Variants in KHDRBS2 observed in about 807,000 individuals in gnomAD.
KHDRBS2 encodes the protein KH RNA binding domain containing, signal transduction associated 2.
KHDRBS2 carries 26 observed loss-of-function variants against 44.3 expected under a neutral mutation model. The observed-to-expected ratio is 0.59, with a 90% CI of 0.43 to 0.81. KHDRBS2 has a LOEUF of 0.81. Among genes scored for constraint, KHDRBS2 ranks in the 40% least tolerant of loss-of-function variants. The pLI is 0.00. For missense variants in KHDRBS2, 476 were observed against 433.1 expected (o/e 1.10, Z -0.88); for synonymous variants, 194 against 151.1 (o/e 1.28, Z -2.08).
chr6:62,029,529 C>T (rs761444063), intron 3 of KHDRBS2, among the ~76,000 whole-genome samples: 14 of 151,846 alleles, frequency 9.2e-5, no homozygotes, highest in African/African-American at 7.2e-5. Context: ...GCTAGGTTTA[C>T]GAATTCATTT....
In KHDRBS2 at chr6:61,966,105, CTG is replaced by C. The variant is rs1286557500; in HGVS notation, c.483+11959_483+11960del. Among the ~76,000 whole-genome samples, 3 of 149,104 alleles carry C rather than the reference CTG, an allele frequency of 2.0e-5. No individual in the cohort carries two copies. In the East Asian group the frequency reaches 5.8e-4, roughly 29 times the overall value. ...AATCTCTGGATGCAATACATTCTAA[CTG>C]TACTATAATTGACATAGAATTTGTT... is the stretch of plus-strand genomic sequence containing the variant. On this transcript the variant is annotated intron_variant, in intron 4 of 8. Coordinates refer to ENST00000281156, the MANE Select transcript of KHDRBS2 (RefSeq NM_152688.4).
the KHDRBS2 span, among the ~76,000 whole-genome samples, chr6:61,645,174 G>A: frequency 6.6e-6 from 1 of 152,128 alleles, no homozygotes; most frequent in South Asian, 2.1e-4. Flanking sequence ...AACATGGATG[G>A]AACTGGAGGC....
chr6:62,286,006 G>T lies in KHDRBS2; in HGVS notation c.-58C>A. On this transcript the variant is annotated 5_prime_UTR_variant, in exon 1 of 9. It adds an upstream start codon to the 5' untranslated region. Transcript: ENST00000281156. ...GCGAGGTTCCGCTCGCTCGGACGCAGGCAGGGTCTTGGGGCAGCGCCTGGC... is the reference window on the plus strand; with the variant it reads ...GCGAGGTTCCGCTCGCTCGGACGCATGCAGGGTCTTGGGGCAGCGCCTGGC... The T allele has an allele frequency of 9.1e-7, 1 of 1,104,206 alleles. No individual in the cohort carries two copies. The highest frequency in any genetic ancestry group is 1.5e-5 in the African/African-American group (1 of 65,128). 68.4% of individuals were successfully genotyped at this position (1,104,206 alleles called of 1,614,324 possible).
At chr6:62,147,422 G>A (rs1287344555) in intron 2 of KHDRBS2, among the ~76,000 whole-genome samples, 1 of 151,850 alleles carries the variant, frequency 6.6e-6, no homozygotes, top group African/African-American at 2.4e-5. Context: ...CAGAGAAAGA[G>A]AAAACATACC....
the KHDRBS2 span, among the ~76,000 whole-genome samples, chr6:61,631,617 G>T: frequency 6.6e-6 from 1 of 152,216 alleles, no homozygotes; most frequent in Non-Finnish European, 1.5e-5. Flanking sequence ...AGAAATAGGA[G>T]ATCATTTAAA....
chr6:62,085,863 C>T (rs1236785499), intron 2 of KHDRBS2, among the ~76,000 whole-genome samples: 1 of 152,054 alleles, frequency 6.6e-6, no homozygotes, highest in Admixed American at 6.6e-5. Context: ...AAATAATTTA[C>T]TTGAATAAAG....
At chr6:61,930,664 TCCAG>T (rs200565502) in intron 4 of KHDRBS2, among the ~76,000 whole-genome samples, 3 of 144,370 alleles carry the variant, frequency 2.1e-5, no homozygotes, top group East Asian at 4.2e-4. Context: ...GCCACTGCAC[TCCAG>T]CCTGGGCGAC....
At chr6:62,249,252 T>A (rs1836133352) in intron 1 of KHDRBS2, among the ~76,000 whole-genome samples, 1 of 152,108 alleles carries the variant, frequency 6.6e-6, no homozygotes, top group African/African-American at 2.4e-5. Context: ...GTATCTATAG[T>A]CACACTGATT....
chr6:61,897,254 T>A lies in KHDRBS2; in HGVS notation c.612-2421A>T, dbSNP rs187066925. Among the ~76,000 whole-genome samples the A allele has an allele frequency of 1.2e-4, 19 of 152,270 alleles. 1 individual carries two copies. In the East Asian group the frequency reaches 3.5e-3, roughly 28 times the overall value. ...TCTGGAGACAGGGAGCTCCCAGTGATTCCAAAATACAGGCCAATTTGGGAA... is the reference window on the plus strand; with the variant it reads ...TCTGGAGACAGGGAGCTCCCAGTGAATCCAAAATACAGGCCAATTTGGGAA... On this transcript the variant is annotated intron_variant, in intron 5 of 8. Coordinates refer to ENST00000281156, the MANE Select transcript of KHDRBS2 (RefSeq NM_152688.4).
intron 6 of KHDRBS2, among the ~76,000 whole-genome samples, chr6:61,767,164 G>A (rs1434529703): frequency 1.3e-5 from 2 of 151,878 alleles, no homozygotes; most frequent in African/African-American, 4.8e-5. Flanking sequence ...ATTTATAATT[G>A]TTATATACTA....
chr6:61,847,686 C>T (rs760558180), intron 6 of KHDRBS2, among the ~76,000 whole-genome samples: 7 of 152,034 alleles, frequency 4.6e-5, no homozygotes, highest in Non-Finnish European at 7.4e-5. Flanking sequence ...TGATCTGCAT[C>T]ATATTTTGGT....
At chr6:61,585,869 C>T in the KHDRBS2 span, among the ~76,000 whole-genome samples, 3 of 151,990 alleles carry the variant, frequency 2.0e-5, no homozygotes, top group African/African-American at 7.2e-5. Flanking sequence ...TAACTGATAT[C>T]CAATTAATTC....
chr6:62,104,863 G>A (rs1217399858), intron 2 of KHDRBS2, among the ~76,000 whole-genome samples: 1 of 151,962 alleles, frequency 6.6e-6, no homozygotes, highest in Non-Finnish European at 1.5e-5. Flanking sequence ...GTAGTTCTTA[G>A]AGAAGATCAA....
At chr6:61,697,330 G>T in intron 7 of KHDRBS2, 77 bp from the exon 8 acceptor site, 1 of 874,038 alleles carries the variant, frequency 1.1e-6, no homozygotes, top group Non-Finnish European at 2.0e-6. Context: ...GAATTTGAAG[G>T]CAAAATGTGT....
rs138066745 is a variant in KHDRBS2, at chr6:62,166,135, T to A, written c.219+11050A>T. On this transcript the variant is annotated intron_variant, in intron 2 of 8. Coordinates refer to ENST00000281156, the MANE Select transcript of KHDRBS2 (RefSeq NM_152688.4). The stretch of plus-strand genomic sequence containing the variant: ...ATCTATGTCGTAGAATGTAATAGAA[T>A]GTAATGAAATTCTATTATTCTAATA... Among the ~76,000 whole-genome samples the A allele has an allele frequency of 1.9e-3, 288 of 152,182 alleles. 1 individual carries two copies. Among genetic ancestry groups the A allele is most frequent in the African/African-American group, 6.8e-3 (284 of 41,562 alleles).
Position 61,894,633 on chromosome 6 carries a change from A to G in KHDRBS2, c.810+2T>C. 6.2e-7 allele frequency: 1 copy of G among 1,608,800 alleles called. No homozygotes were observed. The highest frequency in any genetic ancestry group is 8.5e-7 in the Non-Finnish European group (1 of 1,177,752). ...TACAACTTATTTCTTAAGAGTACTT[A>G]CATATTCTTCATAAGCTTCATGGGC... is the stretch of plus-strand genomic sequence containing the variant. On this transcript the variant is annotated splice_donor_variant, in intron 6 of 8. Coordinates refer to ENST00000281156, the MANE Select transcript of KHDRBS2 (RefSeq NM_152688.4). LOFTEE classifies it high-confidence loss of function.
intron 2 of KHDRBS2, among the ~76,000 whole-genome samples, chr6:62,078,903 T>C (rs1239642688): frequency 6.6e-6 from 1 of 152,062 alleles, no homozygotes; most frequent in East Asian, 1.9e-4. Flanking sequence ...TTGGAAGACT[T>C]GCTCTTAGAG....
At chr6:61,795,668 C>T (rs1482271522) in intron 6 of KHDRBS2, among the ~76,000 whole-genome samples, 1 of 152,060 alleles carries the variant, frequency 6.6e-6, no homozygotes, top group African/African-American at 2.4e-5. Context: ...TGTGAGTATG[C>T]CTGCTCCAGA....
At chr6:62,273,132 C>A (rs1432640687) in intron 1 of KHDRBS2, among the ~76,000 whole-genome samples, 1 of 152,094 alleles carries the variant, frequency 6.6e-6, no homozygotes, top group Non-Finnish European at 1.5e-5. Context: ...CCTCAAATGC[C>A]TCTCTCATTT....
Sources: allele counts gnomAD v4.1 joint callset (sites outside exome capture counted in the v4.1 genomes callset), GRCh38; gene constraint gnomAD v4.1.1; transcripts MANE v1.5; gene names NCBI Gene and HGNC (gene_info 2026-07-23, HGNC 2026-07-21).